Variants in UNC80 observed in about 807,000 individuals in gnomAD.
UNC80 encodes the protein protein unc-80 homolog.
In UNC80, 164 loss-of-function variants were observed where a neutral mutation model predicts 384.6. That is an observed-to-expected ratio of 0.43 (90% confidence interval 0.38 to 0.49). UNC80 has a LOEUF of 0.49. UNC80 is among the 20% of genes least tolerant of loss of function. UNC80 has a pLI of 0.00. For missense variants in UNC80, 3,330 were observed against 4,143.0 expected (o/e 0.80, Z 5.39); for synonymous variants, 1,486 against 1,527.8 (o/e 0.97, Z 0.64).
rs2079099461 is a variant in UNC80, at chr2:209,808,757, C to CTTTCGCTACTT, written c.939-4823_939-4822insTTTCGCTACTT. On this transcript the variant is annotated intron_variant, in intron 7 of 64. Coordinates refer to ENST00000673920, the MANE Select transcript of UNC80 (RefSeq NM_001371986.1). ...AAGGCTCGGCCTAGTGAGTGGGTCG[C>CTTTCGCTACTT]CTGCGCTACTTCTGCGCTACTCAGC... 4 of 42,358 alleles carry CTTTCGCTACTT rather than the reference C, an allele frequency of 9.4e-5. No individual in the cohort carries two copies. The African/African-American group carries it at 5.6e-3, about 60-fold the overall frequency. The allele number at this position is 42,358 out of a possible 1,614,324, so 2.6% of individuals were successfully genotyped here. A position where few individuals can be genotyped will look rare whatever the true frequency, so the allele number is the denominator to read the frequency against.
rs117169355 is a variant in UNC80 at position 209,778,529 on chromosome 2, C to T, written c.600+970C>T. 6.6e-5 allele frequency among the ~76,000 whole-genome samples: 10 copies of T among 152,190 alleles called. 1 individual carries two copies. The East Asian group carries it at 1.9e-3, about 29-fold the overall frequency. Reference sequence around the variant, plus strand: ...TACAAAACATAGGATTACATGGAAACCAGTTATCTCAAAATACAATCATAT... The same window carrying T: ...TACAAAACATAGGATTACATGGAAATCAGTTATCTCAAAATACAATCATAT... On this transcript the variant is annotated intron_variant, in intron 4 of 64. Coordinates refer to ENST00000673920, the MANE Select transcript of UNC80 (RefSeq NM_001371986.1).
At chr2:209,778,702 G>T (rs1441546421) in intron 4 of UNC80, among the ~76,000 whole-genome samples, 2 of 152,166 alleles carry the variant, frequency 1.3e-5, no homozygotes, top group African/African-American at 4.8e-5. Flanking sequence ...TGCATGAAAA[G>T]AAATCAAGAA....
At chr2:209,993,060 G>A (rs1253934107) in intron 62 of UNC80, among the ~76,000 whole-genome samples, 2 of 152,188 alleles carry the variant, frequency 1.3e-5, no homozygotes, top group East Asian at 1.9e-4. Flanking sequence ...TAAAATTACT[G>A]AAATTCTCAA....
chr2:209,918,477 G>C, intron 32 of UNC80, 55 bp from the exon 33 acceptor site: 1 of 1,519,476 alleles, frequency 6.6e-7, no homozygotes, highest in Non-Finnish European at 8.9e-7. Context: ...TTATACTTCA[G>C]CCTCATTCTA....
chr2:209,866,084 T>C (rs887309751), intron 22 of UNC80, among the ~76,000 whole-genome samples: 3 of 152,190 alleles, frequency 2.0e-5, no homozygotes, highest in African/African-American at 7.2e-5. Context: ...TTATTTGAGG[T>C]TCATTAGGTA....
intron 21 of UNC80, among the ~76,000 whole-genome samples, chr2:209,846,919 G>T (rs916071211): frequency 3.9e-5 from 6 of 152,012 alleles, no homozygotes; most frequent in Non-Finnish European, 7.4e-5. Context: ...GAAAACCCAA[G>T]AAATATAATA....
At chr2:209,958,990 A>G (rs758342900) in intron 49 of UNC80, 129 bp from the exon 50 acceptor site, 4 of 696,466 alleles carry the variant, frequency 5.7e-6, no homozygotes, top group Middle Eastern at 4.8e-4. Flanking sequence ...GGAGTAATAT[A>G]TGTATATTTG....
chr2:209,831,592 G>A lies in UNC80; in HGVS notation c.2775+1G>A. 3 of 1,536,284 alleles carry A rather than the reference G, an allele frequency of 2.0e-6. No homozygotes were observed. Among genetic ancestry groups the A allele is most frequent in the Non-Finnish European group, 2.6e-6 (3 of 1,140,118 alleles). ...TGAATTGCACAGCCCTGAGAATCTGGTGAGAAGCTCTCCTCTCTTCCCACA... is the reference window on the plus strand; with the variant it reads ...TGAATTGCACAGCCCTGAGAATCTGATGAGAAGCTCTCCTCTCTTCCCACA... On this transcript the variant is annotated splice_donor_variant, in intron 16 of 64. Transcript: ENST00000673920. LOFTEE classifies it high-confidence loss of function.
chr2:209,981,110 TTAAA>T (rs1180920167), intron 59 of UNC80, among the ~76,000 whole-genome samples: 1 of 152,216 alleles, frequency 6.6e-6, no homozygotes, highest in African/African-American at 2.4e-5. Context: ...CTTTGATATT[TTAAA>T]TAAATAGTAT....
chr2:209,815,336 G>T lies in UNC80; in HGVS notation c.1280G>T (p.Arg427Leu), dbSNP rs751599076. The change falls in exon 9 of 65, where the codon CGT becomes CTT. Residue 427 changes from arginine to leucine, a missense_variant. Coordinates refer to ENST00000673920, the MANE Select transcript of UNC80 (RefSeq NM_001371986.1). ...TCCAAGGTTTCACTGACCAATCTGC[G>T]TAGATCTGCAGTCCCAGATCTTTCT... is the stretch of plus-strand genomic sequence containing the variant. Reference protein sequence around the residue: ...AFSKVSLTNLRRSAVPDLSSD... With the variant: ...AFSKVSLTNLLRSAVPDLSSD... 6.4e-7 allele frequency: 1 copy of T among 1,551,646 alleles called. No homozygotes were observed. The highest frequency in any genetic ancestry group is 1.7e-4 in the Middle Eastern group (1 of 5,992).
At chr2:209,959,278 C>G in intron 50 of UNC80, 124 bp downstream of exon 50, 1 of 1,286,098 alleles carries the variant, frequency 7.8e-7, no homozygotes, top group Non-Finnish European at 1.1e-6. Context: ...GGGTAAACCC[C>G]CAAAAGTGGG....
chr2:209,875,646 C>T (rs1174058694), intron 23 of UNC80, among the ~76,000 whole-genome samples: 1 of 152,172 alleles, frequency 6.6e-6, no homozygotes, highest in Non-Finnish European at 1.5e-5. Flanking sequence ...CCTTCCTGTA[C>T]ATTATTTCCT....
intron 16 of UNC80, 135 bp from the exon 17 acceptor site, chr2:209,833,867 T>C: frequency 1.3e-6 from 1 of 794,008 alleles, no homozygotes; most frequent in Non-Finnish European, 2.0e-6. Context: ...GTTTCATCAA[T>C]AGTAAACTGT....
At chr2:209,974,603 C>A (rs369059839) in intron 56 of UNC80, among the ~76,000 whole-genome samples, 4 of 152,226 alleles carry the variant, frequency 2.6e-5, no homozygotes, top group Admixed American at 2.6e-4. Context: ...GTGCACCAAG[C>A]AGTTTTCTGT....
Position 209,929,989 on chromosome 2 carries a change from T to G in UNC80, c.5907+18T>G, listed in dbSNP as rs762989817. On this transcript the variant is annotated intron_variant, in intron 37 of 64. Transcript: ENST00000673920. ...ATAGACAAGTAAATTCCTCTTCCTT[T>G]TTAGTGTAGCTCTGTGGCTACAAGT... 8 of 1,506,638 alleles carry G rather than the reference T, an allele frequency of 5.3e-6. No homozygotes were observed. Among genetic ancestry groups the G allele is most frequent in the Non-Finnish European group, 7.1e-6 (8 of 1,121,364 alleles). The allele number at this position is 1,506,638 out of a possible 1,614,324, so 93.3% of individuals were successfully genotyped here. A position where few individuals can be genotyped will look rare whatever the true frequency, so the allele number is the denominator to read the frequency against.
At chr2:209,786,258 G>A (rs1387254697) in intron 5 of UNC80, 69 bp downstream of exon 5, 3 of 1,510,734 alleles carry the variant, frequency 2.0e-6, no homozygotes, top group South Asian at 1.4e-5. Context: ...TAGAGTGATG[G>A]GATAATTTGC....
chr2:209,994,333 G>A (rs2093446688), intron 64 of UNC80, 69 bp downstream of exon 64: 2 of 1,371,962 alleles, frequency 1.5e-6, no homozygotes, highest in Middle Eastern at 1.8e-4. Context: ...ACTTGGATAT[G>A]CACATTTATT....
chr2:209,785,780 A>G (rs57637604), intron 4 of UNC80, among the ~76,000 whole-genome samples: 22,337 of 152,172 alleles, frequency 0.15, 2,465 homozygotes, highest in African/African-American at 0.3. Context: ...ATCACTGCAA[A>G]CACAAAACAA....
In UNC80 at chr2:209,984,887, C is replaced by T. The variant is rs1177559639; in HGVS notation, c.9289C>T (p.Leu3097=). The change falls in exon 61 of 65, where the codon CTG becomes TTG. Residue 3097 remains leucine, a synonymous_variant. Coordinates refer to ENST00000673920, the MANE Select transcript of UNC80 (RefSeq NM_001371986.1). ...TAATGTCCTCGATGACTCCCAGGGC[C>T]TGGCCGCCGAGGGCAGCCTCTCTAG... ...EPNVLDDSQG[L]AAEGSLSRVA... 1 of 1,550,998 alleles carries T rather than the reference C, an allele frequency of 6.4e-7. No individual in the cohort carries two copies.
Sources: allele counts gnomAD v4.1 joint callset (sites outside exome capture counted in the v4.1 genomes callset), GRCh38; gene constraint gnomAD v4.1.1; transcripts MANE v1.5; gene names NCBI Gene and HGNC (gene_info 2026-07-23, HGNC 2026-07-21).